ATP2C2: variants seen among roughly 807,000 people sequenced by gnomAD.
The protein encoded by ATP2C2 is ATPase secretory pathway Ca2+ transporting 2.
A neutral mutation model predicts 110.8 loss-of-function variants in ATP2C2; 171 were observed. The ratio of observed to expected loss-of-function variants is 1.54; its 90% CI spans 1.36 to 1.75. The LOEUF is 1.75. Ranked by LOEUF, ATP2C2 falls within the 40% of genes most tolerant of loss-of-function variation. The probability of loss-of-function intolerance (pLI) is 0.00; values close to 1 mark genes in which losing one functional copy is unlikely to be tolerated. For missense variants in ATP2C2, 1,963 were observed against 1,235.0 expected (o/e 1.59, Z -8.84); for synonymous variants, 804 against 508.4 (o/e 1.58, Z -7.82).
At chr16:84,437,060 C>A (rs142660849) in intron 11 of ATP2C2, among the ~76,000 whole-genome samples, 1 of 152,158 alleles carries the variant, frequency 6.6e-6, no homozygotes, top group Non-Finnish European at 1.5e-5. Flanking sequence ...CCACACCCGG[C>A]CTTTTTCTTT....
chr16:84,431,462 C>G (rs544815437), intron 11 of ATP2C2, among the ~76,000 whole-genome samples: 1 of 152,080 alleles, frequency 6.6e-6, no homozygotes, highest in South Asian at 2.1e-4. Flanking sequence ...CACCACTGCA[C>G]CCCAACCTGG....
intron 1 of ATP2C2, among the ~76,000 whole-genome samples, chr16:84,380,274 CCTTCA>C (rs1910498013): frequency 6.6e-6 from 1 of 152,268 alleles, no homozygotes; most frequent in South Asian, 2.1e-4. Context: ...GACAGTTTTG[CCTTCA>C]CTTATTATTG....
At chr16:84,437,380 A>C (rs2150563772) in intron 11 of ATP2C2, among the ~76,000 whole-genome samples, 1 of 151,632 alleles carries the variant, frequency 6.6e-6, no homozygotes, top group African/African-American at 2.4e-5. Flanking sequence ...ACATATGTAT[A>C]TATAATTTTT....
rs377367378 is a variant in ATP2C2, at chr16:84,451,999, T to C, written c.1739T>C (p.Val580Ala). 6.2e-6 allele frequency: 10 copies of C among 1,609,990 alleles called. No homozygotes were observed. Among genetic ancestry groups the C allele is most frequent in the South Asian group, 5.5e-5 (5 of 90,840 alleles). Residue 580 changes from valine (V) to alanine (A), a missense_variant, in exon 18 of 27, where the codon GTT (valine) becomes GCT (alanine). Coordinates refer to ENST00000262429, the MANE Select transcript of ATP2C2 (RefSeq NM_014861.4). Reference protein sequence around the residue: ...GLVGIIDPPRVGVKEAVQVLS... With the variant: ...GLVGIIDPPRAGVKEAVQVLS... ...GTGGGCATCATTGACCCCCCGAGAGTTGGCGTGAAGGAAGCAGTCCAGGTT... is the reference window on the plus strand; with the variant it reads ...GTGGGCATCATTGACCCCCCGAGAGCTGGCGTGAAGGAAGCAGTCCAGGTT...
At chr16:84,368,767 C>T (rs1909779705) in intron 1 of ATP2C2, 53 bp downstream of exon 1, 3 of 1,379,454 alleles carry the variant, frequency 2.2e-6, no homozygotes, top group East Asian at 2.9e-5. Flanking sequence ...CCATCCCCTC[C>T]GTCGTAACCG....
At chr16:84,420,472 CTTTTTTTTTT>C (rs35715518) in intron 7 of ATP2C2, among the ~76,000 whole-genome samples, 1 of 95,766 alleles carries the variant, frequency 1.0e-5, no homozygotes, top group Non-Finnish European at 2.5e-5. Context: ...CCCTTTCTTT[CTTTTTTTTTT>C]TTTTTTAAAG....
At chr16:84,412,356 G>GTGTATGTGCA (rs1555557499) in intron 6 of ATP2C2, among the ~76,000 whole-genome samples, 1 of 149,060 alleles carries the variant, frequency 6.7e-6, no homozygotes, top group African/African-American at 2.5e-5. Context: ...GTCTGCGTGC[G>GTGTATGTGCA]TGTGTGCATG....
intron 21 of ATP2C2, among the ~76,000 whole-genome samples, chr16:84,455,768 C>G (rs150792807): frequency 6.7e-6 from 1 of 148,158 alleles, no homozygotes; most frequent in Non-Finnish European, 1.5e-5. Context: ...AAAAAAAAGT[C>G]ATAGATAGCT....
At chr16:84,370,205 G>C (rs564435368) in intron 1 of ATP2C2, among the ~76,000 whole-genome samples, 1 of 152,174 alleles carries the variant, frequency 6.6e-6, no homozygotes, top group African/African-American at 2.4e-5. Flanking sequence ...AGGTGGACTC[G>C]TCCCTCCAAA....
In ATP2C2 at chr16:84,387,583, T is replaced by C. The variant is rs185757085; in HGVS notation, c.100-10916T>C. ...GCACGTACTTAAATAAACTGTGGCA[T>C]AGCCATGAAGCAGCGTACTTAGAAT... On this transcript the variant is annotated intron_variant, in intron 1 of 26. Coordinates refer to ENST00000262429, the MANE Select transcript of ATP2C2 (RefSeq NM_014861.4). 5.7e-4 allele frequency among the ~76,000 whole-genome samples: 87 copies of C among 152,266 alleles called. No individual in the cohort carries two copies. In the East Asian group the frequency reaches 0.012, roughly 22 times the overall value.
At chr16:84,378,070 C>A (rs1910353553) in intron 1 of ATP2C2, among the ~76,000 whole-genome samples, 1 of 152,220 alleles carries the variant, frequency 6.6e-6, no homozygotes, top group African/African-American at 2.4e-5. Flanking sequence ...GGCCCAAGAT[C>A]TGCGATTCCA....
chr16:84,400,987 G>T (rs1244541709), intron 2 of ATP2C2, among the ~76,000 whole-genome samples: 3 of 152,296 alleles, frequency 2.0e-5, no homozygotes, highest in Admixed American at 6.5e-5. Context: ...CAGATGGGTA[G>T]TTTGCAAATA....
At position 84,464,023 on chromosome 16, in the gene ATP2C2, G is replaced by C. The variant is rs1415958375; in HGVS notation, c.*291G>C. ...ATTAACCATGTCTAACTACGTATCT[G>C]TGCCACAGCTTGCAGTGAGGCAGGC... is the stretch of plus-strand genomic sequence containing the variant. On this transcript the variant is annotated 3_prime_UTR_variant, in exon 27 of 27. Transcript: ENST00000262429. The C allele has an allele frequency of 7.4e-6, 2 of 271,172 alleles. No individual in the cohort carries two copies. Among genetic ancestry groups the C allele is most frequent in the East Asian group, 1.5e-4 (2 of 13,126 alleles). 16.8% of individuals were successfully genotyped at this position (271,172 alleles called of 1,614,324 possible). A position where few individuals can be genotyped will look rare whatever the true frequency, so the allele number is the denominator to read the frequency against.
intron 4 of ATP2C2, 127 bp from the exon 5 acceptor site, chr16:84,410,441 G>C: frequency 9.0e-7 from 1 of 1,112,322 alleles, no homozygotes; most frequent in African/African-American, 1.5e-5. Context: ...CTAAATTTCT[G>C]TACTGTGCAC....
chr16:84,429,955 G>T lies in ATP2C2; in HGVS notation c.986+4154G>T, dbSNP rs1042472010. Among the ~76,000 whole-genome samples, 5 of 152,276 alleles carry T rather than the reference G, an allele frequency of 3.3e-5. No individual in the cohort carries two copies. The East Asian group carries it at 7.7e-4, about 24-fold the overall frequency. ...AGCTTCTGGTGTCACAGGCAGTCCT[G>T]AGCACATAGATATCTTGCCTCTAGT... On this transcript the variant is annotated intron_variant, in intron 11 of 26. Coordinates refer to ENST00000262429, the MANE Select transcript of ATP2C2 (RefSeq NM_014861.4).
At chr16:84,384,405 G>A (rs529006875) in intron 1 of ATP2C2, among the ~76,000 whole-genome samples, 24 of 152,278 alleles carry the variant, frequency 1.6e-4, no homozygotes, top group African/African-American at 5.3e-4. Context: ...CAGGTTACGC[G>A]CTTCTGGAGA....
intron 11 of ATP2C2, among the ~76,000 whole-genome samples, chr16:84,427,523 T>G (rs1270650092): frequency 6.6e-6 from 1 of 151,996 alleles, no homozygotes; most frequent in Non-Finnish European, 1.5e-5. Flanking sequence ...TCTAGACCAG[T>G]CTGGCCAACA....
intron 21 of ATP2C2, among the ~76,000 whole-genome samples, chr16:84,455,358 C>A (rs1469292186): frequency 6.6e-6 from 1 of 152,166 alleles, no homozygotes; most frequent in African/African-American, 2.4e-5. Flanking sequence ...TACGTGCTCA[C>A]ACTTGAGTGT....
chr16:84,452,212 G>A, intron 18 of ATP2C2, 121 bp downstream of exon 18: 1 of 1,231,724 alleles, frequency 8.1e-7, no homozygotes, highest in Non-Finnish European at 1.1e-6. Flanking sequence ...TAGCCCTACA[G>A]GCTTAGAAAA....
Sources: gnomAD v4.1 joint callset for allele counts (sites outside exome capture counted in the v4.1 genomes callset) on GRCh38, gnomAD v4.1.1 for gene constraint, MANE v1.5 for transcripts, NCBI Gene and HGNC (gene_info 2026-07-23, HGNC 2026-07-21) for gene names.